Variants in MAN1C1 observed in about 807,000 individuals in gnomAD.
MAN1C1 encodes the protein mannosidase alpha class 1C member 1, also known as mannosyl-oligosaccharide 1,2-alpha-mannosidase IC.
In MAN1C1, 49 loss-of-function variants were observed where a neutral mutation model predicts 71.5. The ratio of observed to expected loss-of-function variants is 0.69; its 90% CI spans 0.54 to 0.87. The LOEUF is 0.87. Ranked by LOEUF, MAN1C1 falls within the 40% of genes least tolerant of loss-of-function variation. MAN1C1 has a pLI of 0.00. For synonymous variants in MAN1C1, 352 were observed against 343.7 expected (o/e 1.02, Z -0.27); for missense variants, 743 against 835.0 (o/e 0.89, Z 1.36).
chr1:25,751,605 G>A (rs957927655), intron 4 of MAN1C1, among the ~76,000 whole-genome samples: 3 of 152,246 alleles, frequency 2.0e-5, no homozygotes, highest in African/African-American at 7.2e-5. Flanking sequence ...AGTCAGTGCA[G>A]CCCCTGCCCT....
At chr1:25,761,252 C>T (rs2047355452) in intron 6 of MAN1C1, 1 of 152,032 alleles carries the variant, frequency 6.6e-6, no homozygotes, top group African/African-American at 2.4e-5. Flanking sequence ...AACACTGAAA[C>T]GCCTGTTAGG....
intron 1 of MAN1C1, among the ~76,000 whole-genome samples, chr1:25,661,707 G>T (rs1296460403): frequency 6.6e-6 from 1 of 152,228 alleles, no homozygotes; most frequent in Non-Finnish European, 1.5e-5. Flanking sequence ...AAAATGGGAT[G>T]TCTCCTCCCA....
At chr1:25,626,480 T>A (rs535803014) in intron 1 of MAN1C1, among the ~76,000 whole-genome samples, 7 of 152,216 alleles carry the variant, frequency 4.6e-5, no homozygotes, top group African/African-American at 1.7e-4. Context: ...TGCCTCAGCC[T>A]TCTGAGTAGC....
At chr1:25,733,366 C>G (rs1360384551) in intron 2 of MAN1C1, among the ~76,000 whole-genome samples, 1 of 152,154 alleles carries the variant, frequency 6.6e-6, no homozygotes, top group Non-Finnish European at 1.5e-5. Flanking sequence ...CATGTGTGAT[C>G]TGGCCTCCAC....
At chr1:25,658,259 C>G (rs1336949124) in intron 1 of MAN1C1, among the ~76,000 whole-genome samples, 1 of 152,210 alleles carries the variant, frequency 6.6e-6, no homozygotes, top group Admixed American at 6.5e-5. Context: ...CAGAGTTACA[C>G]AGCTTGAAAG....
Position 25,783,861 on chromosome 1 carries a change from A to G in MAN1C1, c.*72A>G, listed in dbSNP as rs796189215. 69 of 1,559,368 alleles carry G rather than the reference A, an allele frequency of 4.4e-5. No individual in the cohort carries two copies. The African/African-American group carries it at 9.1e-4, about 20-fold the overall frequency. On this transcript the variant is annotated 3_prime_UTR_variant, in exon 12 of 12. Transcript: ENST00000374332. ...CTTTTCAGGATTTGAGACTGTTCTC[A>G]AAGGGATTGGGAACGAAGGCCCCAT...
In MAN1C1 at chr1:25,764,772, A is replaced by C. The variant is rs953386370; in HGVS notation, c.1141+805A>C. 3.3e-5 allele frequency among the ~76,000 whole-genome samples: 5 copies of C among 152,074 alleles called. No individual in the cohort carries two copies. Among genetic ancestry groups the C allele is most frequent in the Non-Finnish European group, 5.9e-5 (4 of 68,018 alleles). ...AACAAACAAACAAAAACCATACAAC[A>C]GTGTAGAAATCATGAATTCAGGCCA... is the stretch of plus-strand genomic sequence containing the variant. On this transcript the variant is annotated intron_variant, in intron 7 of 11. Coordinates refer to ENST00000374332, the MANE Select transcript of MAN1C1 (RefSeq NM_020379.4). The surrounding 1 kb of genome is among the most constrained non-coding windows in gnomAD (Gnocchi z 4.4).
chr1:25,778,090 C>G lies in MAN1C1; in HGVS notation c.1258-15C>G. ...CACGCCCCTTCTCCCTGCCCAATCC[C>G]CACCTTGCTCCCAGGCGATAGAGAC... On this transcript the variant is annotated splice_polypyrimidine_tract_variant and intron_variant, in intron 8 of 11. Transcript: ENST00000374332. The surrounding 1 kb of genome is among the most constrained non-coding windows in gnomAD (Gnocchi z 5.5). 1 of 1,534,552 alleles carries G rather than the reference C, an allele frequency of 6.5e-7. No homozygotes were observed. Among genetic ancestry groups the G allele is most frequent in the Non-Finnish European group, 8.8e-7 (1 of 1,136,122 alleles).
chr1:25,705,919 G>A (rs189822885), intron 2 of MAN1C1, among the ~76,000 whole-genome samples: 10 of 152,262 alleles, frequency 6.6e-5, no homozygotes, highest in African/African-American at 1.7e-4. Flanking sequence ...CTCCAGCCTC[G>A]GTGACAGAGC....
At chr1:25,689,168 C>T (rs182526855) in intron 2 of MAN1C1, among the ~76,000 whole-genome samples, 7 of 152,154 alleles carry the variant, frequency 4.6e-5, no homozygotes, top group Admixed American at 3.3e-4. Context: ...AATGGGACAG[C>T]GAAAGTTCTA....
At chr1:25,684,531 A>G (rs1206120256) in intron 1 of MAN1C1, among the ~76,000 whole-genome samples, 1 of 152,182 alleles carries the variant, frequency 6.6e-6, no homozygotes, top group Non-Finnish European at 1.5e-5. Context: ...GGCCTCAGTT[A>G]CATCATCTGT....
intron 9 of MAN1C1, among the ~76,000 whole-genome samples, chr1:25,780,262 A>AT (rs1363385356): frequency 1.3e-5 from 2 of 152,316 alleles, no homozygotes; most frequent in African/African-American, 4.8e-5. Context: ...TTATGGCCAT[A>AT]TGACAAGAAT....
intron 1 of MAN1C1, among the ~76,000 whole-genome samples, chr1:25,648,270 C>T (rs138665329): frequency 4.1e-4 from 62 of 152,342 alleles, no homozygotes; most frequent in African/African-American, 1.4e-3. Context: ...GCTTTAAGTT[C>T]CATGATTAGG....
chr1:25,618,193 C>T lies in MAN1C1; in HGVS notation c.396C>T (p.Ser132=), dbSNP rs1219065769. 8 of 1,581,966 alleles carry T rather than the reference C, an allele frequency of 5.1e-6. No homozygotes were observed. The Admixed American group carries it at 1.3e-4, about 25-fold the overall frequency. The change falls in exon 1 of 12, where the codon TCC becomes TCT. Residue 132 remains serine (S), a synonymous_variant. Transcript: ENST00000374332. ...TAARGNSIPA[S]RPGDEGVPFR... Reference sequence around the variant, plus strand: ...CCCGGGGCAATAGCATCCCGGCCTCCAGGCCCGGGGACGAGGGCGTCCCTT... The same window carrying T: ...CCCGGGGCAATAGCATCCCGGCCTCTAGGCCCGGGGACGAGGGCGTCCCTT...
At chr1:25,652,143 G>A (rs1187764289) in intron 1 of MAN1C1, among the ~76,000 whole-genome samples, 2 of 152,240 alleles carry the variant, frequency 1.3e-5, no homozygotes, top group Non-Finnish European at 2.9e-5. Flanking sequence ...CTGAGGACAT[G>A]TGTGGACACT....
chr1:25,772,052 GT>G (rs2047560175), intron 8 of MAN1C1: 1 of 386,000 alleles, frequency 2.6e-6, no homozygotes, highest in African/African-American at 2.1e-5. Flanking sequence ...GGAAGTGACC[GT>G]CAGTCTGATT....
chr1:25,756,184 A>C (rs1025009441), intron 5 of MAN1C1, among the ~76,000 whole-genome samples: 1 of 152,234 alleles, frequency 6.6e-6, no homozygotes, highest in African/African-American at 2.4e-5. Context: ...ACTTACATGC[A>C]TAATTTATAC....
Position 25,737,141 on chromosome 1 carries a change from C to T in MAN1C1, c.638-9527C>T, listed in dbSNP as rs1357060304. ...AGTTTTTAAACACAGGTTTCCAGAT[C>T]AGACAGCACCCTCAGCTCTTATTTA... is the stretch of plus-strand genomic sequence containing the variant. On this transcript the variant is annotated intron_variant, in intron 2 of 11. Transcript: ENST00000374332. Among the ~76,000 whole-genome samples the T allele has an allele frequency of 2.0e-5, 3 of 152,254 alleles. No homozygotes were observed. In the South Asian group the frequency reaches 6.2e-4, roughly 31 times the overall value.
In MAN1C1 at chr1:25,776,668, C is replaced by T. The variant is rs532677229; in HGVS notation, c.1258-1437C>T. On this transcript the variant is annotated intron_variant, in intron 8 of 11. Transcript: ENST00000374332. This position sits in a 1 kb window ranked among gnomAD's most constrained non-coding sequence, Gnocchi z 4.3. Reference sequence around the variant, plus strand: ...CTCCTCTCCAGCACACCTGTAGCCCCAGTACCTAGCACAGCGCTGACACCA... The same window carrying T: ...CTCCTCTCCAGCACACCTGTAGCCCTAGTACCTAGCACAGCGCTGACACCA... Among the ~76,000 whole-genome samples, 3 of 152,296 alleles carry T rather than the reference C, an allele frequency of 2.0e-5. No homozygotes were observed. Among genetic ancestry groups the T allele is most frequent in the East Asian group, 3.9e-4 (2 of 5,188 alleles).
Sources: gnomAD v4.1 joint callset for allele counts (sites outside exome capture counted in the v4.1 genomes callset) on GRCh38, gnomAD v4.1.1 for gene constraint, Gnocchi (gnomAD v3.1) non-coding constraint, MANE v1.5 for transcripts, NCBI Gene and HGNC (gene_info 2026-07-23, HGNC 2026-07-21) for gene names.